Variants in RCHY1 observed in about 807,000 individuals in gnomAD.
RCHY1 encodes the protein RING finger and CHY zinc finger domain-containing protein 1.
In RCHY1, 21 loss-of-function variants were observed where a neutral mutation model predicts 41.6. The ratio of observed to expected loss-of-function variants is 0.51; its 90% CI spans 0.36 to 0.73. The LOEUF (loss-of-function observed/expected upper bound fraction) is 0.73. RCHY1 is among the 30% of genes least tolerant of loss of function. The probability of loss-of-function intolerance (pLI) is 0.00; values close to 1 mark genes in which losing one functional copy is unlikely to be tolerated. For synonymous variants in RCHY1, 79 were observed against 102.9 expected, an observed-to-expected ratio of 0.77 and a Z score of 1.41; for missense variants, 265 against 325.3, an observed-to-expected ratio of 0.81 and a Z score of 1.43.
chr4:75,487,249 A>G (rs946251327), intron 8 of RCHY1, among the ~76,000 whole-genome samples: 1 of 141,878 alleles, frequency 7.0e-6, no homozygotes, highest in Non-Finnish European at 1.5e-5. Context: ...TGTAGTATTA[A>G]TAAGACAGTT....
At chr4:75,512,145 C>T (rs1013499262) in intron 1 of RCHY1, among the ~76,000 whole-genome samples, 2 of 152,166 alleles carry the variant, frequency 1.3e-5, no homozygotes, top group African/African-American at 4.8e-5. Flanking sequence ...CATCACCGTC[C>T]TTGCTGGTTC....
chr4:75,499,133 C>A (rs1234808861), intron 3 of RCHY1, among the ~76,000 whole-genome samples: 1 of 152,102 alleles, frequency 6.6e-6, no homozygotes, highest in Non-Finnish European at 1.5e-5. Flanking sequence ...ACAGTAATTT[C>A]TCAAAAGACA....
intron 1 of RCHY1, among the ~76,000 whole-genome samples, chr4:75,512,023 CA>C (rs1724932490): frequency 6.6e-6 from 1 of 152,148 alleles, no homozygotes; most frequent in African/African-American, 2.4e-5. Context: ...TCTCCCCTTG[CA>C]ACACCCTAGT....
chr4:75,490,161 T>C (rs1255207217), intron 8 of RCHY1, among the ~76,000 whole-genome samples: 2 of 152,146 alleles, frequency 1.3e-5, no homozygotes, highest in East Asian at 3.9e-4. Context: ...ATAAAAAGGG[T>C]AATAAACACT....
chr4:75,508,358 G>A (rs1724535121), intron 3 of RCHY1, among the ~76,000 whole-genome samples: 1 of 151,992 alleles, frequency 6.6e-6, no homozygotes, highest in South Asian at 2.1e-4. Context: ...GTCAACAGTA[G>A]CTTGTCTGTG....
chr4:75,501,007 A>G (rs1473973370), intron 3 of RCHY1, among the ~76,000 whole-genome samples: 1 of 152,116 alleles, frequency 6.6e-6, no homozygotes, highest in Non-Finnish European at 1.5e-5. Flanking sequence ...ACTATATACA[A>G]TAAAATATGT....
Position 75,514,299 on chromosome 4 carries a change from C to A in RCHY1, c.-13G>T. 1 of 1,608,444 alleles carries A rather than the reference C, an allele frequency of 6.2e-7. No homozygotes were observed. Reference sequence around the variant, plus strand: ...CCGTCGCCGCCATCTCCTCCACCTCCCCTCACATTCCACCGATCCTTCCCC... The same window carrying A: ...CCGTCGCCGCCATCTCCTCCACCTCACCTCACATTCCACCGATCCTTCCCC... On this transcript the variant is annotated 5_prime_UTR_variant, in exon 1 of 9. Transcript: ENST00000324439.
intron 4 of RCHY1, 134 bp downstream of exon 4, chr4:75,493,967 C>T: frequency 1.7e-6 from 1 of 582,866 alleles, no homozygotes; most frequent in Non-Finnish European, 3.0e-6. Flanking sequence ...CTTGTTAATA[C>T]TGCTTTTCAA....
At chr4:75,512,741 T>A (rs1725039202) in intron 1 of RCHY1, among the ~76,000 whole-genome samples, 1 of 152,078 alleles carries the variant, frequency 6.6e-6, no homozygotes, top group South Asian at 2.1e-4. Flanking sequence ...AAATTCACTC[T>A]AATCCTGATC....
intron 3 of RCHY1, among the ~76,000 whole-genome samples, chr4:75,499,457 G>T (rs193102943): frequency 7.9e-5 from 12 of 152,228 alleles, no homozygotes; most frequent in Non-Finnish European, 1.5e-4. Flanking sequence ...TACCTCAAAG[G>T]GTATCTGCAC....
chr4:75,495,192 T>C (rs948530325), intron 3 of RCHY1, among the ~76,000 whole-genome samples: 1 of 152,022 alleles, frequency 6.6e-6, no homozygotes, highest in African/African-American at 2.4e-5. Flanking sequence ...TTAATTACTA[T>C]GTGGTAAAAA....
At chr4:75,506,872 T>TA (rs1445465476) in intron 3 of RCHY1, among the ~76,000 whole-genome samples, 1 of 151,896 alleles carries the variant, frequency 6.6e-6, no homozygotes, top group African/African-American at 2.4e-5. Context: ...ACCAATGACT[T>TA]AAAAAACAGC....
Position 75,482,459 on chromosome 4 carries a change from G to A in RCHY1, c.*79C>T, listed in dbSNP as rs1379019513. ...ACATCAACTCTAATGCATAGATGAC[G>A]ACACATGATAACACGATACCAAGGA... On this transcript the variant is annotated 3_prime_UTR_variant, in exon 9 of 9. Coordinates refer to ENST00000324439, the MANE Select transcript of RCHY1 (RefSeq NM_015436.4). 1.2e-5 allele frequency: 16 copies of A among 1,347,602 alleles called. No homozygotes were observed. The highest frequency in any genetic ancestry group is 3.0e-5 in the African/African-American group (2 of 67,380). 83.5% of individuals were successfully genotyped at this position (1,347,602 alleles called of 1,614,324 possible).
intron 4 of RCHY1, among the ~76,000 whole-genome samples, chr4:75,492,246 C>T (rs1320726907): frequency 2.0e-5 from 3 of 151,824 alleles, no homozygotes; most frequent in Non-Finnish European, 2.9e-5. Context: ...GATTTGGAAC[C>T]TTTGCATATT....
At chr4:75,504,489 G>C (rs1167463659) in intron 3 of RCHY1, among the ~76,000 whole-genome samples, 1 of 151,944 alleles carries the variant, frequency 6.6e-6, no homozygotes, top group Non-Finnish European at 1.5e-5. Context: ...TTTTTCTCTA[G>C]TTTATCCTAA....
intron 3 of RCHY1, among the ~76,000 whole-genome samples, chr4:75,500,664 T>C (rs1332261824): frequency 1.3e-5 from 2 of 152,204 alleles, no homozygotes; most frequent in African/African-American, 4.8e-5. Context: ...GAGAGTCAGA[T>C]ATATCTTAGA....
At chr4:75,501,158 T>C (rs1221781701) in intron 3 of RCHY1, among the ~76,000 whole-genome samples, 1 of 152,102 alleles carries the variant, frequency 6.6e-6, no homozygotes, top group Non-Finnish European at 1.5e-5. Context: ...TACAGACATA[T>C]ACCACCACGC....
rs1721580234 is a variant in RCHY1 at position 75,482,251 on chromosome 4, C to T, written c.*287G>A. ...CAAAGCTTCATGAAAATATAATACA[C>T]TTCTATGAATGTATCAGTGGCAAAC... On this transcript the variant is annotated 3_prime_UTR_variant, in exon 9 of 9. Transcript: ENST00000324439. 2.0e-5 allele frequency: 4 copies of T among 203,868 alleles called. No homozygotes were observed. The East Asian group carries it at 3.2e-4, about 16-fold the overall frequency. The allele number at this position is 203,868 out of a possible 1,614,324, so 12.6% of individuals were successfully genotyped here. A position where few individuals can be genotyped will look rare whatever the true frequency, so the allele number is the denominator to read the frequency against.
At chr4:75,496,790 A>G (rs1057373474) in intron 3 of RCHY1, among the ~76,000 whole-genome samples, 5 of 152,112 alleles carry the variant, frequency 3.3e-5, no homozygotes, top group African/African-American at 1.2e-4. Context: ...AAAAATACCC[A>G]GCACTAAACA....
Sources: gnomAD v4.1 joint callset for allele counts (sites outside exome capture counted in the v4.1 genomes callset) on GRCh38, gnomAD v4.1.1 for gene constraint, MANE v1.5 for transcripts, NCBI Gene and HGNC (gene_info 2026-07-23, HGNC 2026-07-21) for gene names.